SHF: variants seen among roughly 807,000 people sequenced by gnomAD.
SHF encodes Src homology 2 domain containing F, also known as SH2 domain-containing adapter protein F.
Under a neutral mutation model 42.4 loss-of-function variants are expected in SHF, and 30 were observed. The observed-to-expected ratio is 0.71, with a 90% CI of 0.53 to 0.96. The LOEUF is 0.96. SHF is among the 40% of genes least tolerant of loss of function. SHF has a pLI of 0.00. For missense variants in SHF, 598 were observed against 634.0 expected, an observed-to-expected ratio of 0.94 and a Z score of 0.61; for synonymous variants, 264 against 269.9, an observed-to-expected ratio of 0.98 and a Z score of 0.21.
Position 45,187,677 on chromosome 15 carries a change from T to C in SHF, c.275A>G (p.Asp92Gly). Residue 92 changes from aspartate to glycine, a missense_variant, in exon 1 of 7, where the codon GAC becomes GGC. Asp to Gly is a moderately conservative substitution (Grantham distance 94). Around this residue, in one of 2 missense-constraint regions of SHF, gnomAD observed 159 missense variants for 109.3 expected, o/e 1.45. Coordinates refer to ENST00000690270, the MANE Select transcript of SHF (RefSeq NM_001394037.1). ...CTGCAGCCTGTAGGCGGCCAGGATG[T>C]CCGGGGGCGGCGCGGGGGGCGCGGC... ...SPAAPPAPPP[D>G]ILAAYRLQRE... is the part of the protein sequence containing the mutation. 2.5e-6 allele frequency: 3 copies of C among 1,214,836 alleles called. No homozygotes were observed. The East Asian group carries it at 9.7e-5, about 39-fold the overall frequency. 75.3% of individuals were successfully genotyped at this position (1,214,836 alleles called of 1,614,324 possible).
Position 45,167,909 on chromosome 15 carries a change from G to A in SHF, c.*38C>T, listed in dbSNP as rs758718997. 8 of 1,515,102 alleles carry A rather than the reference G, an allele frequency of 5.3e-6. No homozygotes were observed. In the Admixed American group the frequency reaches 1.2e-4, roughly 22 times the overall value. The allele number at this position is 1,515,102 out of a possible 1,614,324, so 93.9% of individuals were successfully genotyped here. On this transcript the variant is annotated 3_prime_UTR_variant, in exon 7 of 7. Coordinates refer to ENST00000690270, the MANE Select transcript of SHF (RefSeq NM_001394037.1). ...CCCTCAGCCAGGTGATGGGCACAGGGCTGGGTACAGGTCTATCACAGTGCC... is the reference window on the plus strand; with the variant it reads ...CCCTCAGCCAGGTGATGGGCACAGGACTGGGTACAGGTCTATCACAGTGCC...
At chr15:45,200,943 T>G in exon 1 of SHF, 1 of 441,496 alleles carries the variant, frequency 2.3e-6, no homozygotes, top group Non-Finnish European at 4.6e-6. Context: ...CAAAGCACTT[T>G]CATGTCCCTT....
At chr15:45,181,722 C>T (rs912233591) in intron 1 of SHF, among the ~76,000 whole-genome samples, 2 of 152,168 alleles carry the variant, frequency 1.3e-5, no homozygotes, top group African/African-American at 2.4e-5. Context: ...AGCAGATCTA[C>T]ATCTGAATAG....
chr15:45,189,376 G>T (rs1364482150), upstream of SHF, among the ~76,000 whole-genome samples: 1 of 138,780 alleles, frequency 7.2e-6, no homozygotes, highest in Non-Finnish European at 1.5e-5. Flanking sequence ...CGCACTCCTA[G>T]GTTCATGTCT....
chr15:45,194,101 CA>C (rs56176160), intron 2 of SHF, among the ~76,000 whole-genome samples: 34,839 of 75,680 alleles, frequency 0.46, 5,131 homozygotes, highest in Non-Finnish European at 0.53. Context: ...GAGTTTGTCT[CA>C]AAAAAAAAAA....
chr15:45,173,832 GGGCAGA>G (rs149440961), intron 3 of SHF, 116 bp from the exon 4 acceptor site: 82,955 of 1,191,890 alleles, frequency 0.07, 4,180 homozygotes, highest in Non-Finnish European at 0.078. Context: ...AAATGAGGAG[GGGCAGA>G]GGCAGAGGCA....
At chr15:45,172,350 G>C in intron 4 of SHF, 32 bp from the exon 5 acceptor site, 1 of 1,539,774 alleles carries the variant, frequency 6.5e-7, no homozygotes, top group Non-Finnish European at 8.7e-7. Flanking sequence ...TGGACTCTAA[G>C]GACCCTAGAG....
upstream of SHF, among the ~76,000 whole-genome samples, chr15:45,188,124 G>T (rs538462025): frequency 7.9e-5 from 12 of 152,190 alleles, no homozygotes; most frequent in African/African-American, 2.6e-4. Flanking sequence ...GCTCGGAAGA[G>T]TGTACGCGGG....
At chr15:45,196,649 G>A (rs1048137931) in intron 2 of SHF, among the ~76,000 whole-genome samples, 2 of 152,176 alleles carry the variant, frequency 1.3e-5, no homozygotes, top group East Asian at 3.9e-4. Flanking sequence ...TGTAATCCCG[G>A]CACTTTGGGA....
At position 45,187,961 on chromosome 15, in the gene SHF, C is replaced by T. The variant is rs1898555776; in HGVS notation, c.-10G>A. On this transcript the variant is annotated 5_prime_UTR_variant, in exon 1 of 7. Coordinates refer to ENST00000690270, the MANE Select transcript of SHF (RefSeq NM_001394037.1). Reference sequence around the variant, plus strand: ...CTCCGCTCAGTAACATGGGGCCAGCCAGACTGAGCGAGGGGAGCGCAGCGG... The same window carrying T: ...CTCCGCTCAGTAACATGGGGCCAGCTAGACTGAGCGAGGGGAGCGCAGCGG... 2.6e-6 allele frequency: 3 copies of T among 1,161,244 alleles called. No homozygotes were observed. In the South Asian group the frequency reaches 1.3e-4, roughly 51 times the overall value. The allele number at this position is 1,161,244 out of a possible 1,614,324, so 71.9% of individuals were successfully genotyped here. A position where few individuals can be genotyped will look rare whatever the true frequency, so the allele number is the denominator to read the frequency against.
chr15:45,181,472 A>G (rs922958507), intron 1 of SHF, among the ~76,000 whole-genome samples: 1 of 152,190 alleles, frequency 6.6e-6, no homozygotes, highest in Non-Finnish European at 1.5e-5. Flanking sequence ...AGCTGCTCCT[A>G]TAGGCTTCCG....
chr15:45,198,654 T>C (rs1595651384), intron 2 of SHF: 7 of 1,354,334 alleles, frequency 5.2e-6, no homozygotes, highest in Non-Finnish European at 7.0e-6. Context: ...CAACGCAGAG[T>C]ACTAACCACT....
exon 2 of SHF, chr15:45,198,868 G>T (rs1032342049): frequency 4.3e-6 from 7 of 1,613,918 alleles, no homozygotes; most frequent in Non-Finnish European, 5.1e-6. Flanking sequence ...CATTAGCCAC[G>T]GGCTGTGGTG....
chr15:45,195,100 G>A (rs907969304), intron 2 of SHF, among the ~76,000 whole-genome samples: 6 of 152,010 alleles, frequency 3.9e-5, no homozygotes, highest in Non-Finnish European at 7.4e-5. Flanking sequence ...CCAAAGTATC[G>A]AAATTATAGG....
At chr15:45,175,123 C>T in intron 3 of SHF, 96 bp downstream of exon 3, 1 of 1,334,536 alleles carries the variant, frequency 7.5e-7, no homozygotes, top group Non-Finnish European at 1.0e-6. Context: ...TGATCCTGGG[C>T]CTCTCTGGGT....
At chr15:45,195,004 ATT>A (rs112318867) in intron 2 of SHF, among the ~76,000 whole-genome samples, 1 of 151,034 alleles carries the variant, frequency 6.6e-6, no homozygotes, top group Non-Finnish European at 1.5e-5. Flanking sequence ...TAATATTTTG[ATT>A]TTTTTTGCAG....
chr15:45,191,791 A>T (rs572893183), upstream of SHF, among the ~76,000 whole-genome samples: 1 of 152,186 alleles, frequency 6.6e-6, no homozygotes, highest in East Asian at 1.9e-4. Context: ...GAAAAATCCA[A>T]AGAAAGTATA....
At chr15:45,197,230 C>T (rs1045414009) in intron 2 of SHF, among the ~76,000 whole-genome samples, 7 of 120,714 alleles carry the variant, frequency 5.8e-5, no homozygotes, top group Non-Finnish European at 1.1e-4. Context: ...GCCTGGGTGA[C>T]AGAGCAAGAC....
intron 2 of SHF, among the ~76,000 whole-genome samples, chr15:45,193,164 G>T (rs1898757503): frequency 6.6e-6 from 1 of 152,240 alleles, no homozygotes; most frequent in African/African-American, 2.4e-5. Flanking sequence ...TTGCAAAATA[G>T]TGACTCTCTA....
Sources: allele counts gnomAD v4.1 joint callset (sites outside exome capture counted in the v4.1 genomes callset), GRCh38; gene constraint gnomAD v4.1.1; regional missense constraint gnomAD v4.1.1; transcripts MANE v1.5; gene names NCBI Gene and HGNC (gene_info 2026-07-23, HGNC 2026-07-21).